The following CRB1 variants were observed in gnomAD, a reference collection of about 807,000 sequenced individuals.
CRB1 encodes crumbs cell polarity complex component 1.
A neutral mutation model predicts 120.0 loss-of-function variants in CRB1; 83 were observed. The ratio of observed to expected loss-of-function variants is 0.69; its 90% confidence interval spans 0.58 to 0.83. CRB1 has a LOEUF of 0.83. CRB1 is among the 40% of genes least tolerant of loss of function. CRB1 has a pLI of 0.00. For synonymous variants in CRB1, 625 were observed against 612.5 expected, an observed-to-expected ratio of 1.02 and a Z score of -0.30; for missense variants, 1,699 against 1,687.6, an observed-to-expected ratio of 1.01 and a Z score of -0.12.
At chr1:197,218,788 C>G in the CRB1 span, among the ~76,000 whole-genome samples, 1 of 152,030 alleles carries the variant, frequency 6.6e-6, no homozygotes, top group Non-Finnish European at 1.5e-5. Context: ...TACTGGAGAA[C>G]AAAGAGAGGA....
At chr1:197,429,085 T>A in intron 7 of CRB1, 1 of 1,507,428 alleles carries the variant, frequency 6.6e-7, no homozygotes, top group Non-Finnish European at 8.9e-7. Flanking sequence ...AAACACCTTC[T>A]TTTTATCATC....
chr1:197,442,663 T>C, intron 11 of CRB1: 1 of 706,896 alleles, frequency 1.4e-6, no homozygotes, highest in Non-Finnish European at 2.1e-6. Flanking sequence ...ATTGTGTGTA[T>C]TTAGTACAAA....
intron 5 of CRB1, among the ~76,000 whole-genome samples, chr1:197,386,062 G>A (rs1273630492): frequency 1.3e-5 from 2 of 151,866 alleles, no homozygotes; most frequent in Non-Finnish European, 2.9e-5. Context: ...GGCTAAAACC[G>A]ACATGCGGAT....
chr1:197,300,089 G>A (rs1357332961), intron 1 of CRB1, among the ~76,000 whole-genome samples: 1 of 151,754 alleles, frequency 6.6e-6, no homozygotes. Flanking sequence ...TTCACTGATA[G>A]GCTGTTCCTC....
the CRB1 span, among the ~76,000 whole-genome samples, chr1:197,216,507 G>T: frequency 2.0e-5 from 3 of 152,260 alleles, no homozygotes; most frequent in African/African-American, 7.2e-5. Context: ...CTGATATTGA[G>T]CTACTCTGTT....
chr1:197,370,693 T>A (rs551331520), intron 5 of CRB1, among the ~76,000 whole-genome samples: 6 of 152,270 alleles, frequency 3.9e-5, no homozygotes, highest in African/African-American at 1.4e-4. Flanking sequence ...TTTATAGCAT[T>A]AAATGCCTAC....
At chr1:197,425,234 G>T (rs571331206) in intron 6 of CRB1, among the ~76,000 whole-genome samples, 4 of 152,280 alleles carry the variant, frequency 2.6e-5, no homozygotes, top group Admixed American at 2.6e-4. Context: ...CTTCAAAGGG[G>T]TTATTTTATC....
At chr1:197,253,098 ACT>A in the CRB1 span, among the ~76,000 whole-genome samples, 1 of 151,848 alleles carries the variant, frequency 6.6e-6, no homozygotes, top group Admixed American at 6.6e-5. Context: ...TCGTTTGTTG[ACT>A]CTCTAAACTT....
At chr1:197,449,620 C>T (rs1665861945) in intron 11 of CRB1, among the ~76,000 whole-genome samples, 1 of 152,176 alleles carries the variant, frequency 6.6e-6, no homozygotes, top group Non-Finnish European at 1.5e-5. Context: ...CCCGCCTCGG[C>T]CTCCCAAAGT....
intron 5 of CRB1, among the ~76,000 whole-genome samples, chr1:197,405,311 C>T (rs1276830833): frequency 7.9e-5 from 12 of 152,270 alleles, no homozygotes; most frequent in East Asian, 1.9e-4. Flanking sequence ...CTCCTAACCG[C>T]GAGTGATCCG....
chr1:197,294,814 C>A (rs868673949), intron 1 of CRB1, among the ~76,000 whole-genome samples: 1 of 152,020 alleles, frequency 6.6e-6, no homozygotes, highest in Non-Finnish European at 1.5e-5. Context: ...GGACAAAAAA[C>A]CAAACACCGC....
chr1:197,365,272 G>C (rs1660999013), intron 5 of CRB1, among the ~76,000 whole-genome samples: 3 of 152,172 alleles, frequency 2.0e-5, no homozygotes. Flanking sequence ...GGCTCCTTTA[G>C]TGGGTGTTGT....
At chr1:197,355,346 A>AC (rs1660405549) in intron 4 of CRB1, among the ~76,000 whole-genome samples, 2 of 152,204 alleles carry the variant, frequency 1.3e-5, no homozygotes. Flanking sequence ...AGTGGATCCC[A>AC]CGCAGGGGCC....
At chr1:197,350,144 A>G (rs187261904) in intron 4 of CRB1, among the ~76,000 whole-genome samples, 4 of 151,274 alleles carry the variant, frequency 2.6e-5, no homozygotes, top group African/African-American at 9.7e-5. Flanking sequence ...TTTCCAAACT[A>G]TGTAGTTTCA....
chr1:197,284,371 C>T (rs534640294), intron 1 of CRB1, among the ~76,000 whole-genome samples: 35 of 151,860 alleles, frequency 2.3e-4, no homozygotes, highest in Non-Finnish European at 4.3e-4. Context: ...AACTTCAGCT[C>T]GGGAAAATCA....
chr1:197,429,702 A>G lies in CRB1; in HGVS notation c.2842+88A>G. The stretch of plus-strand genomic sequence containing the variant: ...GCAAACACAGAAAAAGAGTATAGAC[A>G]AAGCCAGTTTATTAAATTAATCTAT... On this transcript the variant is annotated intron_variant, in intron 8 of 11. Coordinates refer to ENST00000367400, the MANE Select transcript of CRB1 (RefSeq NM_201253.3). The G allele has an allele frequency of 3.7e-6, 5 of 1,357,166 alleles. No homozygotes were observed. In the Admixed American group the frequency reaches 9.5e-5, roughly 26 times the overall value. The allele number at this position is 1,357,166 out of a possible 1,614,324, so 84.1% of individuals were successfully genotyped here. A position where few individuals can be genotyped will look rare whatever the true frequency, so the allele number is the denominator to read the frequency against.
rs16841303 is a variant in CRB1, at chr1:197,285,681, A to G, written c.70+17199A>G. The stretch of plus-strand genomic sequence containing the variant: ...CCAGACGTTTGATGTGGTGACTGAC[A>G]GCAAAGTGAGGCTTAACCTGTGGTG... On this transcript the variant is annotated intron_variant, in intron 1 of 11. Coordinates refer to ENST00000367400, the MANE Select transcript of CRB1 (RefSeq NM_201253.3). Among the ~76,000 whole-genome samples, 632 of 152,014 alleles carry G rather than the reference A, an allele frequency of 4.2e-3. 7 individuals carry two copies. Among genetic ancestry groups the G allele is most frequent in the African/African-American group, 0.015 (616 of 41,534 alleles).
At chr1:197,349,960 C>T (rs4915506) in intron 4 of CRB1, among the ~76,000 whole-genome samples, 85,587 of 151,376 alleles carry the variant, frequency 0.57, 28,053 homozygotes, top group South Asian at 0.81. Context: ...ATTAGCCGGG[C>T]GCGGTGGCGG....
the CRB1 span, among the ~76,000 whole-genome samples, chr1:197,242,294 T>C: frequency 6.4e-3 from 972 of 152,328 alleles, 9 homozygotes; most frequent in African/African-American, 0.022. Flanking sequence ...GCCCATTCAG[T>C]ATGATATTGG....
Sources: allele counts gnomAD v4.1 joint callset (sites outside exome capture counted in the v4.1 genomes callset), GRCh38; gene constraint gnomAD v4.1.1; transcripts MANE v1.5; gene names NCBI Gene and HGNC (gene_info 2026-07-23, HGNC 2026-07-21).